Variants in MAP3K13 observed in about 807,000 individuals in gnomAD.
MAP3K13 encodes leucine zipper-bearing kinase.
MAP3K13 carries 52 observed loss-of-function variants against 104.0 expected under a neutral mutation model. The ratio of observed to expected loss-of-function variants is 0.50; its 90% CI spans 0.40 to 0.63. The LOEUF (loss-of-function observed/expected upper bound fraction) is 0.63. MAP3K13 is among the 20% of genes least tolerant of loss of function. MAP3K13 has a pLI of 0.00. For missense variants in MAP3K13, 914 were observed against 1,218.5 expected (o/e 0.75, Z 3.72); for synonymous variants, 394 against 442.2 (o/e 0.89, Z 1.37).
chr3:185,397,554 T>C (rs1191195108), intron 1 of MAP3K13, among the ~76,000 whole-genome samples: 1 of 152,246 alleles, frequency 6.6e-6, no homozygotes, highest in Non-Finnish European at 1.5e-5. Context: ...TGTTGCTCTA[T>C]AGATAAACTT....
intron 2 of MAP3K13, among the ~76,000 whole-genome samples, chr3:185,350,663 A>G (rs1203559759): frequency 1.3e-5 from 2 of 152,210 alleles, no homozygotes; most frequent in East Asian, 1.9e-4. Context: ...TGATTTTTCA[A>G]TAAGATACCA....
At chr3:185,467,050 T>C (rs1577609830) in intron 10 of MAP3K13, 87 bp downstream of exon 10, 7 of 1,470,528 alleles carry the variant, frequency 4.8e-6, no homozygotes, top group Non-Finnish European at 5.7e-6. Context: ...GGATGTGGCC[T>C]CTTCTTTAGC....
At chr3:185,354,500 C>A (rs1723267940) in intron 2 of MAP3K13, among the ~76,000 whole-genome samples, 1 of 150,324 alleles carries the variant, frequency 6.7e-6, no homozygotes. Context: ...ATGTCCTGTC[C>A]CTTAGGGAAA....
intron 1 of MAP3K13, among the ~76,000 whole-genome samples, chr3:185,420,800 A>G (rs1162264816): frequency 3.3e-5 from 5 of 152,250 alleles, no homozygotes; most frequent in Admixed American, 3.3e-4. Context: ...ATTGTATTCT[A>G]TGATAGAAAT....
chr3:185,414,193 A>G (rs889373679), intron 1 of MAP3K13, among the ~76,000 whole-genome samples: 1 of 152,160 alleles, frequency 6.6e-6, no homozygotes, highest in South Asian at 2.1e-4. Flanking sequence ...TACCTTTCCC[A>G]AAGGGTTGAT....
intron 1 of MAP3K13, among the ~76,000 whole-genome samples, chr3:185,385,808 G>C (rs1028084634): frequency 4.6e-5 from 7 of 152,130 alleles, no homozygotes; most frequent in African/African-American, 1.7e-4. Flanking sequence ...TTCGAGACCA[G>C]CTTGTCCAAC....
chr3:185,326,965 C>T (rs187255898), intron 2 of MAP3K13, among the ~76,000 whole-genome samples: 1 of 152,236 alleles, frequency 6.6e-6, no homozygotes, highest in East Asian at 1.9e-4. Flanking sequence ...AATTAAAGTA[C>T]CTGTATTATT....
At chr3:185,401,612 A>G (rs1712821391) in intron 1 of MAP3K13, among the ~76,000 whole-genome samples, 1 of 152,252 alleles carries the variant, frequency 6.6e-6, no homozygotes, top group South Asian at 2.1e-4. Flanking sequence ...GGCATTAACT[A>G]TTAAATTGCT....
intron 7 of MAP3K13, among the ~76,000 whole-genome samples, chr3:185,455,622 A>G (rs565568422): frequency 1.9e-5 from 2 of 102,656 alleles, no homozygotes; most frequent in Non-Finnish European, 4.0e-5. Context: ...TATGAGATAT[A>G]TGATATATAT....
At chr3:185,409,389 G>A (rs536716103) in intron 1 of MAP3K13, among the ~76,000 whole-genome samples, 1 of 152,112 alleles carries the variant, frequency 6.6e-6, no homozygotes, top group East Asian at 1.9e-4. Context: ...TTTAAAATAA[G>A]CTTAATATCT....
chr3:185,313,419 G>A (rs1480116229), intron 2 of MAP3K13, among the ~76,000 whole-genome samples: 4 of 151,654 alleles, frequency 2.6e-5, no homozygotes, highest in Admixed American at 6.6e-5. Flanking sequence ...ACAGGCGCTC[G>A]CCACCATGCC....
intron 2 of MAP3K13, chr3:185,292,906 T>C: frequency 1.0e-6 from 1 of 984,016 alleles, no homozygotes; most frequent in Non-Finnish European, 1.2e-6. Context: ...TTTGTGAAAC[T>C]TTTTTACTAA....
intron 1 of MAP3K13, among the ~76,000 whole-genome samples, chr3:185,363,781 C>T (rs1234951985): frequency 6.6e-6 from 1 of 152,248 alleles, no homozygotes; most frequent in Non-Finnish European, 1.5e-5. Flanking sequence ...GTCTTCCTTG[C>T]GACCGTCCTT....
upstream of MAP3K13, among the ~76,000 whole-genome samples, chr3:185,358,895 A>G (rs1239032754): frequency 6.6e-6 from 1 of 152,228 alleles, no homozygotes; most frequent in Non-Finnish European, 1.5e-5. Context: ...ATCAGCTAGC[A>G]TAACTACCTG....
intron 4 of MAP3K13, among the ~76,000 whole-genome samples, chr3:185,443,869 A>G (rs569629531): frequency 6.6e-6 from 1 of 152,214 alleles, no homozygotes; most frequent in African/African-American, 2.4e-5. Flanking sequence ...CTTTTAAATC[A>G]TACAACTGTG....
upstream of MAP3K13, among the ~76,000 whole-genome samples, chr3:185,359,737 C>T (rs1723525820): frequency 6.6e-6 from 1 of 152,094 alleles, no homozygotes; most frequent in East Asian, 1.9e-4. Context: ...AGGATTTGAG[C>T]CCAGATCTCT....
chr3:185,388,178 T>C (rs575589935), intron 1 of MAP3K13, among the ~76,000 whole-genome samples: 24 of 150,856 alleles, frequency 1.6e-4, no homozygotes, highest in Non-Finnish European at 5.9e-5. Flanking sequence ...GTAAAAGACT[T>C]ATACAAGAAA....
Position 185,465,373 on chromosome 3 carries a change from A to G in MAP3K13, c.1389-374A>G, listed in dbSNP as rs535985280. On this transcript the variant is annotated intron_variant, in intron 8 of 13. Transcript: ENST00000265026. ...GACCATACCAACCACTATATCACAC[A>G]GGGTCTGGGCCGTGGCTAAGTGTAA... 1.2e-3 allele frequency among the ~76,000 whole-genome samples: 189 copies of G among 152,344 alleles called. 1 individual carries two copies. The highest frequency in any genetic ancestry group is 2.4e-3 in the Non-Finnish European group (164 of 68,034).
intron 1 of MAP3K13, among the ~76,000 whole-genome samples, chr3:185,425,338 T>G (rs1714352733): frequency 1.3e-5 from 2 of 152,248 alleles, no homozygotes; most frequent in South Asian, 2.1e-4. Context: ...TTATTGACAT[T>G]GTCTGTCTAT....
Sources: allele counts gnomAD v4.1 joint callset (sites outside exome capture counted in the v4.1 genomes callset), GRCh38; gene constraint gnomAD v4.1.1; transcripts MANE v1.5; gene names NCBI Gene and HGNC (gene_info 2026-07-23, HGNC 2026-07-21).